Variants in SLC17A1 observed in about 807,000 individuals in gnomAD.
SLC17A1 encodes the protein solute carrier family 17 member 1.
In SLC17A1, 51 loss-of-function variants were observed where a neutral mutation model predicts 53.5. That is an observed-to-expected ratio of 0.95 (90% CI 0.76 to 1.20). The LOEUF is 1.20. Ranked by LOEUF, SLC17A1 falls within the 50% of genes most tolerant of loss-of-function variation. SLC17A1 has a pLI of 0.00. For synonymous variants in SLC17A1, 179 were observed against 198.8 expected (o/e 0.90, Z 0.84); for missense variants, 538 against 568.2 (o/e 0.95, Z 0.54).
chr6:25,729,470 G>T, the SLC17A1 span, among the ~76,000 whole-genome samples: 9 of 152,322 alleles, frequency 5.9e-5, no homozygotes, highest in South Asian at 1.9e-3. Context: ...CTGGGTCTTG[G>T]ATTGAAAGCA....
chr6:25,781,420 A>C (rs921962922), downstream of SLC17A1, among the ~76,000 whole-genome samples: 4 of 152,210 alleles, frequency 2.6e-5, no homozygotes, highest in Non-Finnish European at 4.4e-5. Flanking sequence ...CCAGATGAGA[A>C]GTGAGCAGAA....
intron 12 of SLC17A1, among the ~76,000 whole-genome samples, chr6:25,788,412 G>C (rs1486254010): frequency 1.3e-5 from 2 of 152,110 alleles, no homozygotes; most frequent in Non-Finnish European, 2.9e-5. Context: ...AGCTTATTTT[G>C]CTTAATGGCT....
At chr6:25,758,691 G>C in the SLC17A1 span, among the ~76,000 whole-genome samples, 1 of 151,954 alleles carries the variant, frequency 6.6e-6, no homozygotes, top group Non-Finnish European at 1.5e-5. Context: ...TTTTTCCTTG[G>C]TTAGTGTCGC....
intron 6 of SLC17A1, 39 bp downstream of exon 6, chr6:25,819,029 T>C (rs749423237): frequency 2.9e-6 from 4 of 1,391,894 alleles, no homozygotes; most frequent in East Asian, 2.3e-5. Context: ...TTTTTTTAGA[T>C]TCTGAATAAT....
At chr6:25,737,963 A>G in the SLC17A1 span, among the ~76,000 whole-genome samples, 2 of 152,216 alleles carry the variant, frequency 1.3e-5, no homozygotes, top group African/African-American at 2.4e-5. Flanking sequence ...ATTCAACTGT[A>G]TACTGGAAGT....
the SLC17A1 span, among the ~76,000 whole-genome samples, chr6:25,736,105 G>A: frequency 1.3e-5 from 2 of 149,560 alleles, no homozygotes; most frequent in Non-Finnish European, 3.0e-5. Flanking sequence ...GCTGTTGAAA[G>A]AGAAGGTGGT....
chr6:25,769,037 T>C, the SLC17A1 span: 1 of 1,614,082 alleles, frequency 6.2e-7, no homozygotes, highest in Non-Finnish European at 8.5e-7. Context: ...TCTGTAATTT[T>C]TCAATTTACA....
chr6:25,777,053 C>A, the SLC17A1 span: 1 of 1,364,974 alleles, frequency 7.3e-7, no homozygotes, highest in African/African-American at 1.4e-5. Flanking sequence ...GTGGCAGGTA[C>A]AACAGGTTGC....
chr6:25,810,864 A>T (rs1764130327), intron 10 of SLC17A1, among the ~76,000 whole-genome samples: 1 of 152,196 alleles, frequency 6.6e-6, no homozygotes. Flanking sequence ...AGTGTCCATC[A>T]GCAGATGAAT....
chr6:25,724,930 T>C, the SLC17A1 span, among the ~76,000 whole-genome samples: 1 of 152,088 alleles, frequency 6.6e-6, no homozygotes, highest in Non-Finnish European at 1.5e-5. Context: ...CGGCATGTTT[T>C]ATTTTATAGA....
chr6:25,817,344 G>A (rs1393897196), intron 6 of SLC17A1, among the ~76,000 whole-genome samples: 2 of 152,170 alleles, frequency 1.3e-5, no homozygotes, highest in African/African-American at 4.8e-5. Flanking sequence ...TTTTCCCTCT[G>A]CCACTAACGA....
chr6:25,759,012 G>T, the SLC17A1 span, among the ~76,000 whole-genome samples: 6 of 152,134 alleles, frequency 3.9e-5, no homozygotes, highest in African/African-American at 1.4e-4. Context: ...TTGTCGTTCA[G>T]TTCAAAGAAT....
the SLC17A1 span, among the ~76,000 whole-genome samples, chr6:25,748,299 A>G: frequency 1.3e-5 from 2 of 152,188 alleles, no homozygotes; most frequent in African/African-American, 4.8e-5. Context: ...CTGAAATTAC[A>G]CAACACACCT....
chr6:25,734,267 T>C, the SLC17A1 span, among the ~76,000 whole-genome samples: 1 of 152,190 alleles, frequency 6.6e-6, no homozygotes, highest in Non-Finnish European at 1.5e-5. Context: ...GTTTTAAGGT[T>C]ACAAGGACAT....
chr6:25,741,443 A>C, the SLC17A1 span, among the ~76,000 whole-genome samples: 4 of 146,194 alleles, frequency 2.7e-5, no homozygotes, highest in Non-Finnish European at 4.5e-5. Flanking sequence ...AAAAGGGCGC[A>C]GCGGGTCACG....
At chr6:25,740,704 A>T in the SLC17A1 span, among the ~76,000 whole-genome samples, 1 of 152,322 alleles carries the variant, frequency 6.6e-6, no homozygotes, top group Admixed American at 6.5e-5. Context: ...ACATTAAGAA[A>T]ATATATAAAA....
the SLC17A1 span, among the ~76,000 whole-genome samples, chr6:25,766,034 ACATAAGTAAATG>A: frequency 6.6e-6 from 1 of 151,718 alleles, no homozygotes; most frequent in South Asian, 2.1e-4. Flanking sequence ...TAGGGAAAGT[ACATAAGTAAATG>A]ATTTTCTAGG....
the SLC17A1 span, chr6:25,726,009 A>G: frequency 1.2e-6 from 1 of 852,642 alleles, no homozygotes; most frequent in East Asian, 2.5e-5. Flanking sequence ...GGCAAGTAAG[A>G]TGGCTGGTTA....
the SLC17A1 span, chr6:25,777,723 A>G: frequency 9.4e-6 from 5 of 534,020 alleles, no homozygotes; most frequent in African/African-American, 1.9e-5. Flanking sequence ...GGATTATACT[A>G]ATCATTGGTC....
Sources: allele counts gnomAD v4.1 joint callset (sites outside exome capture counted in the v4.1 genomes callset), GRCh38; gene constraint gnomAD v4.1.1; transcripts MANE v1.5; gene names NCBI Gene and HGNC (gene_info 2026-07-23, HGNC 2026-07-21).